Variants in ZNF829 observed in about 807,000 individuals in gnomAD.
ZNF829 encodes the protein zinc finger protein 829.
In ZNF829, 25 loss-of-function variants were observed where a neutral mutation model predicts 35.2. The observed-to-expected ratio is 0.71, with a 90% CI of 0.52 to 0.99. The LOEUF (loss-of-function observed/expected upper bound fraction) is 0.99, where lower values mean the gene tolerates loss of function less well. Ranked by LOEUF, ZNF829 falls within the 50% of genes least tolerant of loss-of-function variation. The pLI is 0.00. For missense variants in ZNF829, 417 were observed against 515.3 expected (o/e 0.81, Z 1.85); for synonymous variants, 136 against 163.2 (o/e 0.83, Z 1.27).
At chr19:36,915,096 C>G in intron 2 of ZNF829, 34 bp downstream of exon 2, 1 of 1,614,010 alleles carries the variant, frequency 6.2e-7, no homozygotes, top group Non-Finnish European at 8.5e-7. Flanking sequence ...CCAGATTAGT[C>G]AAGTAAGAGT....
At chr19:36,897,292 C>T (rs770190957) in intron 5 of ZNF829, among the ~76,000 whole-genome samples, 4 of 152,102 alleles carry the variant, frequency 2.6e-5, no homozygotes, top group Non-Finnish European at 4.4e-5. Flanking sequence ...AACATAGACA[C>T]AAAACCCCTC....
At position 36,892,374 on chromosome 19, in the gene ZNF829, C is replaced by A. The variant is rs773625497; in HGVS notation, c.417G>T (p.Gln139His). The change falls in exon 6 of 6, where the codon CAG becomes CAT. Residue 139 changes from glutamine (Q) to histidine (H), a missense_variant. Gln to His is a conservative substitution (Grantham distance 24, BLOSUM62 0). Coordinates refer to ENST00000391711, the MANE Select transcript of ZNF829 (RefSeq NM_001037232.4). ...TTTGAGGTGGAATAAGAAATGTGGG[C>A]TGAATAAAAGTAGACATGTCTTCAC... ...ITREDMSTFI[Q>H]PTFLIPPQKT... 6.2e-7 allele frequency: 1 copy of A among 1,613,346 alleles called. No homozygotes were observed. Among genetic ancestry groups the A allele is most frequent in the South Asian group, 1.1e-5 (1 of 91,062 alleles).
At chr19:36,903,789 G>A (rs935057101) in intron 5 of ZNF829, among the ~76,000 whole-genome samples, 1 of 151,930 alleles carries the variant, frequency 6.6e-6, no homozygotes, top group Non-Finnish European at 1.5e-5. Flanking sequence ...TACTCGGGAG[G>A]CTGAAGCAGA....
intron 5 of ZNF829, among the ~76,000 whole-genome samples, chr19:36,898,298 A>G (rs944428304): frequency 6.6e-6 from 1 of 152,212 alleles, no homozygotes; most frequent in Non-Finnish European, 1.5e-5. Flanking sequence ...TTAACCATGA[A>G]GTGAAAGACC....
At position 36,891,521 on chromosome 19, in the gene ZNF829, T is replaced by G. The variant is rs1414884628; in HGVS notation, c.1270A>C (p.Ile424Leu). 6.3e-7 allele frequency: 1 copy of G among 1,576,060 alleles called. No individual in the cohort carries two copies. Among genetic ancestry groups the G allele is most frequent in the African/African-American group, 1.4e-5 (1 of 73,086 alleles). Residue 424 changes from isoleucine to leucine, a missense_variant, in exon 6 of 6, where the codon ATT becomes CTT. Ile to Leu is a conservative substitution (Grantham distance 5). Transcript: ENST00000391711. Reference sequence around the variant, plus strand: ...CCAGTATGAATTCCCTCATGGCGAATGAGGTCAGAGCGACTACCAAAAGCC... The same window carrying G: ...CCAGTATGAATTCCCTCATGGCGAAGGAGGTCAGAGCGACTACCAAAAGCC... ...GKAFGSRSDLIRHEGIHTG is the reference protein window; with the variant it reads ...GKAFGSRSDLLRHEGIHTG
intron 5 of ZNF829, among the ~76,000 whole-genome samples, chr19:36,895,167 T>A (rs963026480): frequency 6.6e-6 from 1 of 152,064 alleles, no homozygotes; most frequent in Non-Finnish European, 1.5e-5. Context: ...AATGGGATGA[T>A]ATATTCAAAG....
chr19:36,888,341 G>T lies in ZNF829; in HGVS notation c.*3151C>A, dbSNP rs767315526. ...CATACAGTGTTATTACCACAATATA[G>T]TGTCAAACCGTCAATGCAAAAATCT... On this transcript the variant is annotated 3_prime_UTR_variant, in exon 6 of 6. Transcript: ENST00000391711. The T allele has an allele frequency of 3.9e-5, 6 of 152,194 alleles. No homozygotes were observed. The highest frequency in any genetic ancestry group is 8.8e-5 in the Non-Finnish European group (6 of 68,006). The allele number at this position is 152,194 out of a possible 1,614,324, so 9.4% of individuals were successfully genotyped here.
At chr19:36,892,948 A>T in intron 5 of ZNF829, 1 of 638,912 alleles carries the variant, frequency 1.6e-6, no homozygotes, top group Middle Eastern at 2.7e-4. Flanking sequence ...AGGACAGGCC[A>T]GCAGGATGCC....
intron 5 of ZNF829, among the ~76,000 whole-genome samples, chr19:36,898,625 CA>C (rs1302767208): frequency 5.3e-5 from 8 of 152,102 alleles, no homozygotes; most frequent in African/African-American, 1.9e-4. Context: ...CTGTCGTAAC[CA>C]AAACAGCATG....
At chr19:36,907,899 C>G (rs1263370519) in intron 5 of ZNF829, 30 bp downstream of exon 5, 19 of 1,575,534 alleles carry the variant, frequency 1.2e-5, no homozygotes, top group Non-Finnish European at 1.7e-5. Flanking sequence ...TCTTTATAGC[C>G]CTGCTCCTGA....
intron 3 of ZNF829, among the ~76,000 whole-genome samples, chr19:36,914,633 T>C (rs1387114081): frequency 6.6e-6 from 1 of 152,198 alleles, no homozygotes; most frequent in Non-Finnish European, 1.5e-5. Context: ...GGGAGAATAT[T>C]TCTGACACTT....
intron 5 of ZNF829, among the ~76,000 whole-genome samples, chr19:36,894,369 T>C (rs1362331260): frequency 6.6e-6 from 1 of 151,982 alleles, no homozygotes; most frequent in Non-Finnish European, 1.5e-5. Flanking sequence ...CAGATATCAA[T>C]GTAAGGATAA....
intron 5 of ZNF829, among the ~76,000 whole-genome samples, chr19:36,896,754 T>C (rs767810013): frequency 1.3e-5 from 2 of 152,200 alleles, no homozygotes; most frequent in Non-Finnish European, 2.9e-5. Context: ...TTTTTAAAAA[T>C]TGAAATCATA....
chr19:36,899,050 C>T (rs1433861494), intron 5 of ZNF829, among the ~76,000 whole-genome samples: 2 of 152,124 alleles, frequency 1.3e-5, no homozygotes, highest in Non-Finnish European at 2.9e-5. Context: ...GCAAAGGAAA[C>T]AATCAGCAGA....
chr19:36,909,494 A>G (rs2073245094), intron 3 of ZNF829, among the ~76,000 whole-genome samples: 1 of 152,162 alleles, frequency 6.6e-6, no homozygotes, highest in African/African-American at 2.4e-5. Flanking sequence ...GGTCCTAATC[A>G]CAGGGATAGC....
At position 36,908,375 on chromosome 19, in the gene ZNF829, T is replaced by C. The variant is rs1457187245; in HGVS notation, c.181A>G (p.Lys61Glu). Residue 61 changes from lysine (K) to glutamate (E), a missense_variant, in exon 4 of 6, where the codon AAA (lysine) becomes GAA (glutamate). Lys to Glu is a moderately conservative substitution (Grantham distance 56, BLOSUM62 1). Coordinates refer to ENST00000391711, the MANE Select transcript of ZNF829 (RefSeq NM_001037232.4). ...CLDADQMNLY[K>E]EVMLENFSNL... ...CTGAAATTCTCCAACATCACTTCTT[T>C]GTATAAATTCATCTGATCAGCGTCC... 1 of 1,613,810 alleles carries C rather than the reference T, an allele frequency of 6.2e-7. No individual in the cohort carries two copies. Among genetic ancestry groups the C allele is most frequent in the East Asian group, 2.2e-5 (1 of 44,858 alleles).
Position 36,891,761 on chromosome 19 carries a change from T to C in ZNF829, c.1030A>G (p.Arg344Gly), listed in dbSNP as rs1187718888. Residue 344 changes from arginine (R) to glycine (G), a missense_variant, in exon 6 of 6, where the codon AGA becomes GGA. Coordinates refer to ENST00000391711, the MANE Select transcript of ZNF829 (RefSeq NM_001037232.4). ...TAGAGCTTCTCACCAGCATGAATTCTGTGATGGTTAGTAAGTGTTGAGGCA... is the reference window on the plus strand; with the variant it reads ...TAGAGCTTCTCACCAGCATGAATTCCGTGATGGTTAGTAAGTGTTGAGGCA... Reference protein sequence around the residue: ...NSASTLTNHHRIHAGEKLYEC... With the variant: ...NSASTLTNHHGIHAGEKLYEC... The C allele has an allele frequency of 1.2e-6, 2 of 1,614,200 alleles. No individual in the cohort carries two copies. Among genetic ancestry groups the C allele is most frequent in the Non-Finnish European group, 1.7e-6 (2 of 1,180,026 alleles).
chr19:36,915,014 G>C lies in ZNF829; in HGVS notation c.47C>G (p.Pro16Arg). ...ATCATGCATTCTTTCCTCCTCTTCT[G>C]GGTGACACCTGGAGAAAGGTAAAAT... is the stretch of plus-strand genomic sequence containing the variant. ...LISIPHVWCH[P>R]EEEERMHDEL... is the part of the protein sequence containing the mutation. The change falls in exon 3 of 6, where the codon CCA (proline) becomes CGA (arginine). Residue 16 changes from proline (P) to arginine (R), a missense_variant. Coordinates refer to ENST00000391711, the MANE Select transcript of ZNF829 (RefSeq NM_001037232.4). 2 of 1,614,044 alleles carry C rather than the reference G, an allele frequency of 1.2e-6. No individual in the cohort carries two copies. The highest frequency in any genetic ancestry group is 1.7e-6 in the Non-Finnish European group (2 of 1,180,004).
chr19:36,914,004 C>T (rs940732741), intron 3 of ZNF829, among the ~76,000 whole-genome samples: 35 of 152,178 alleles, frequency 2.3e-4, no homozygotes, highest in African/African-American at 8.4e-4. Context: ...CACAATAGAC[C>T]TTCCAATATA....
Sources: allele counts gnomAD v4.1 joint callset (sites outside exome capture counted in the v4.1 genomes callset), GRCh38; gene constraint gnomAD v4.1.1; transcripts MANE v1.5; gene names NCBI Gene and HGNC (gene_info 2026-07-23, HGNC 2026-07-21).